Variants in CTNNA3 observed in about 807,000 individuals in gnomAD.
CTNNA3 encodes the protein catenin alpha 3.
Under a neutral mutation model 95.7 loss-of-function variants are expected in CTNNA3, and 76 were observed. The observed-to-expected ratio is 0.79, with a 90% CI of 0.66 to 0.96. The LOEUF is 0.96. Ranked by LOEUF, CTNNA3 falls within the 40% of genes least tolerant of loss-of-function variation. The probability of loss-of-function intolerance (pLI) is 0.00; values close to 1 mark genes in which losing one functional copy is unlikely to be tolerated. For missense variants in CTNNA3, 1,191 were observed against 1,089.8 expected, an observed-to-expected ratio of 1.09 and a Z score of -1.31; for synonymous variants, 431 against 374.4, an observed-to-expected ratio of 1.15 and a Z score of -1.74.
chr10:66,152,045 C>A (rs1270283440), intron 13 of CTNNA3, among the ~76,000 whole-genome samples: 1 of 151,882 alleles, frequency 6.6e-6, no homozygotes, highest in South Asian at 2.1e-4. Context: ...CATATTGTAT[C>A]TATGCTTATT....
At chr10:67,131,361 T>A (rs1233650784) in intron 7 of CTNNA3, among the ~76,000 whole-genome samples, 3 of 152,162 alleles carry the variant, frequency 2.0e-5, no homozygotes, top group African/African-American at 7.2e-5. Context: ...CATAGGATTG[T>A]TTTGGTTATC....
intron 10 of CTNNA3, among the ~76,000 whole-genome samples, chr10:66,611,565 C>G (rs991984022): frequency 1.3e-5 from 2 of 152,080 alleles, no homozygotes; most frequent in Non-Finnish European, 2.9e-5. Context: ...GGGAAAAAAT[C>G]TAGGAATATA....
At chr10:67,379,809 C>T (rs1208334465) in intron 5 of CTNNA3, among the ~76,000 whole-genome samples, 1 of 151,952 alleles carries the variant, frequency 6.6e-6, no homozygotes, top group East Asian at 1.9e-4. Flanking sequence ...ATCACGAGGT[C>T]AGGAGATCGA....
intron 7 of CTNNA3, among the ~76,000 whole-genome samples, chr10:67,147,178 G>A (rs1860888619): frequency 6.6e-6 from 1 of 152,130 alleles, no homozygotes; most frequent in Non-Finnish European, 1.5e-5. Flanking sequence ...TGTTCAAATT[G>A]CAATTTGTAG....
intron 1 of CTNNA3, among the ~76,000 whole-genome samples, chr10:67,704,642 A>T (rs1841066311): frequency 6.6e-6 from 1 of 152,190 alleles, no homozygotes; most frequent in Non-Finnish European, 1.5e-5. Flanking sequence ...TGGATTAAAG[A>T]CTTACATGTT....
intron 13 of CTNNA3, among the ~76,000 whole-genome samples, chr10:66,142,115 T>C (rs2083649068): frequency 6.6e-6 from 1 of 152,198 alleles, no homozygotes; most frequent in Non-Finnish European, 1.5e-5. Flanking sequence ...TCCTACCTTT[T>C]AGAAATGTTA....
At chr10:66,429,513 G>C (rs1166418523) in intron 11 of CTNNA3, among the ~76,000 whole-genome samples, 8 of 152,114 alleles carry the variant, frequency 5.3e-5, no homozygotes, top group African/African-American at 1.9e-4. Flanking sequence ...ATAAAATACT[G>C]GCAAACTGAA....
intron 7 of CTNNA3, among the ~76,000 whole-genome samples, chr10:66,938,145 T>C (rs1186419002): frequency 1.3e-5 from 2 of 152,172 alleles, no homozygotes; most frequent in Non-Finnish European, 2.9e-5. Flanking sequence ...AACCTTATAT[T>C]TCTTTGTGTA....
At chr10:67,520,816 C>A (rs1589384830) in intron 5 of CTNNA3, among the ~76,000 whole-genome samples, 1 of 152,182 alleles carries the variant, frequency 6.6e-6, no homozygotes, top group East Asian at 1.9e-4. Flanking sequence ...TAGACCATAT[C>A]ATGTTGACTT....
chr10:67,013,553 G>A (rs561815070), intron 7 of CTNNA3, among the ~76,000 whole-genome samples: 4 of 152,102 alleles, frequency 2.6e-5, no homozygotes, highest in South Asian at 2.1e-4. Context: ...CCATGACCTC[G>A]GCAAACACAG....
chr10:67,460,635 T>C (rs1847341024), intron 5 of CTNNA3, among the ~76,000 whole-genome samples: 1 of 152,192 alleles, frequency 6.6e-6, no homozygotes, highest in African/African-American at 2.4e-5. Flanking sequence ...TAAGATTTTC[T>C]TTACATTTAT....
chr10:66,942,715 T>G (rs1848072727), intron 7 of CTNNA3, among the ~76,000 whole-genome samples: 1 of 152,054 alleles, frequency 6.6e-6, no homozygotes, highest in African/African-American at 2.4e-5. Flanking sequence ...CTTCCCATAC[T>G]CAGCACTCAA....
chr10:67,672,098 C>A (rs1034030881), intron 1 of CTNNA3, among the ~76,000 whole-genome samples: 5 of 152,340 alleles, frequency 3.3e-5, no homozygotes, highest in Admixed American at 3.3e-4. Flanking sequence ...ATTTGCATTT[C>A]TCTGATGGCC....
At position 67,079,234 on chromosome 10, in the gene CTNNA3, C is replaced by T. The variant is rs561302521; in HGVS notation, c.1047+101083G>A. Among the ~76,000 whole-genome samples, 82 of 152,266 alleles carry T rather than the reference C, an allele frequency of 5.4e-4. 1 individual carries two copies. The highest frequency in any genetic ancestry group is 6.8e-3 in the Middle Eastern group (2 of 294). On this transcript the variant is annotated intron_variant, in intron 7 of 17. Coordinates refer to ENST00000433211, the MANE Select transcript of CTNNA3 (RefSeq NM_013266.4). ...ATGAGCACACGCTGTGCACAAGAAA[C>T]TCTGTGTTATAGAACAAGGGGAAGA... is the stretch of plus-strand genomic sequence containing the variant.
rs560260451 is a variant in CTNNA3 at position 66,827,851 on chromosome 10, G to T, written c.1048-52327C>A. Among the ~76,000 whole-genome samples the T allele has an allele frequency of 5.5e-4, 84 of 152,258 alleles. 1 individual carries two copies. Among genetic ancestry groups the T allele is most frequent in the Non-Finnish European group, 1.1e-3 (73 of 68,014 alleles). Reference sequence around the variant, plus strand: ...TTTCTAAAAGTCTCACAGTAACTTGGTAGACATAAAAGTGGAGAAAGAAAT... The same window carrying T: ...TTTCTAAAAGTCTCACAGTAACTTGTTAGACATAAAAGTGGAGAAAGAAAT... On this transcript the variant is annotated intron_variant, in intron 7 of 17. Coordinates refer to ENST00000433211, the MANE Select transcript of CTNNA3 (RefSeq NM_013266.4).
intron 5 of CTNNA3, among the ~76,000 whole-genome samples, chr10:67,276,203 C>T (rs1839177262): frequency 6.6e-6 from 1 of 152,134 alleles, no homozygotes; most frequent in South Asian, 2.1e-4. Flanking sequence ...GAATTTAGGA[C>T]AGCCTATCCA....
rs141997815 is a variant in CTNNA3, at chr10:67,650,298, G to A, written c.-5-2780C>T. ...TATACCATTAGATGCTCGTTGAGTT[G>A]AAACCTGCCACTTTTAAACTTTTAT... On this transcript the variant is annotated intron_variant, in intron 1 of 17. Coordinates refer to ENST00000433211, the MANE Select transcript of CTNNA3 (RefSeq NM_013266.4). 3.6e-3 allele frequency among the ~76,000 whole-genome samples: 554 copies of A among 152,298 alleles called. 5 individuals are homozygous for A. The highest frequency in any genetic ancestry group is 0.013 in the African/African-American group (520 of 41,564).
intron 7 of CTNNA3, among the ~76,000 whole-genome samples, chr10:66,942,313 A>G (rs1219210980): frequency 6.6e-6 from 1 of 152,186 alleles, no homozygotes; most frequent in Non-Finnish European, 1.5e-5. Context: ...ATCATTATTA[A>G]ATCAAACCTG....
At chr10:67,066,023 C>T (rs2133235553) in intron 7 of CTNNA3, among the ~76,000 whole-genome samples, 1 of 151,742 alleles carries the variant, frequency 6.6e-6, no homozygotes, top group African/African-American at 2.4e-5. Flanking sequence ...ATAATAATTG[C>T]TCATTTTAGA....
Sources: allele counts gnomAD v4.1 joint callset (sites outside exome capture counted in the v4.1 genomes callset), GRCh38; gene constraint gnomAD v4.1.1; transcripts MANE v1.5; gene names NCBI Gene and HGNC (gene_info 2026-07-23, HGNC 2026-07-21).